Variants in GRM1 observed in about 807,000 individuals in gnomAD.
GRM1 encodes the protein metabotropic glutamate receptor 1.
GRM1 carries 33 observed loss-of-function variants against 90.9 expected under a neutral mutation model. That is an observed-to-expected ratio of 0.36 (90% CI 0.28 to 0.49). The LOEUF (loss-of-function observed/expected upper bound fraction) is 0.49. GRM1 is among the 20% of genes least tolerant of loss of function. The pLI is 0.99. For synonymous variants in GRM1, 700 were observed against 613.2 expected, an observed-to-expected ratio of 1.14 and a Z score of -2.09; for missense variants, 1,190 against 1,534.3, an observed-to-expected ratio of 0.78 and a Z score of 3.75.
At chr6:146,033,976 A>G (rs754494506) in intron 1 of GRM1, among the ~76,000 whole-genome samples, 4 of 152,046 alleles carry the variant, frequency 2.6e-5, no homozygotes, top group Non-Finnish European at 5.9e-5. Flanking sequence ...CTTCAAAGGA[A>G]ATTATCTTAA....
intron 1 of GRM1, among the ~76,000 whole-genome samples, chr6:146,031,174 T>C (rs1030271611): frequency 1.3e-5 from 2 of 152,216 alleles, no homozygotes; most frequent in African/African-American, 2.4e-5. Context: ...CCTTAGGTTA[T>C]ATACATTTTT....
chr6:146,299,283 A>G (rs1783289312), intron 2 of GRM1, among the ~76,000 whole-genome samples: 1 of 152,076 alleles, frequency 6.6e-6, no homozygotes, highest in Admixed American at 6.6e-5. Flanking sequence ...CTTTAATATC[A>G]CTTTCTCCTT....
At chr6:146,056,735 C>T (rs1225076155) in intron 1 of GRM1, among the ~76,000 whole-genome samples, 4 of 152,102 alleles carry the variant, frequency 2.6e-5, no homozygotes, top group African/African-American at 9.7e-5. Context: ...TTAACATTTT[C>T]GTTTTCACTG....
chr6:146,375,805 G>T (rs1337225710), intron 5 of GRM1, among the ~76,000 whole-genome samples: 1 of 151,820 alleles, frequency 6.6e-6, no homozygotes, highest in Non-Finnish European at 1.5e-5. Flanking sequence ...GTTTTTTGTA[G>T]GCAGCAGCTT....
Position 146,228,081 on chromosome 6 carries a change from A to G in GRM1, c.950+68484A>G, listed in dbSNP as rs577555686. 4.9e-4 allele frequency among the ~76,000 whole-genome samples: 75 copies of G among 152,280 alleles called. No homozygotes were observed. The South Asian group carries it at 0.014, about 29-fold the overall frequency. On this transcript the variant is annotated intron_variant, in intron 2 of 7. Transcript: ENST00000282753. ...AAAATGTTAAGGCCTCATATATACT[A>G]CAAAGCATTTATCAACTGTTGAGTA...
At chr6:146,166,125 T>G (rs1230753727) in intron 2 of GRM1, among the ~76,000 whole-genome samples, 1 of 152,132 alleles carries the variant, frequency 6.6e-6, no homozygotes, top group African/African-American at 2.4e-5. Flanking sequence ...AATATGGAAT[T>G]TATCTTAACA....
intron 2 of GRM1, among the ~76,000 whole-genome samples, chr6:146,297,287 A>G (rs1328717943): frequency 6.6e-6 from 1 of 151,530 alleles, no homozygotes; most frequent in Non-Finnish European, 1.5e-5. Context: ...CAGCCTCCCC[A>G]GTAGATGGGA....
At chr6:146,287,193 T>G (rs1782797259) in intron 2 of GRM1, among the ~76,000 whole-genome samples, 1 of 152,136 alleles carries the variant, frequency 6.6e-6, no homozygotes, top group Non-Finnish European at 1.5e-5. Flanking sequence ...CTGTAATAAG[T>G]AGGGTTTAGA....
In GRM1 at chr6:146,111,826, G is replaced by T. The variant is rs895880018; in HGVS notation, c.701-47522G>T. Among the ~76,000 whole-genome samples, 4 of 152,312 alleles carry T rather than the reference G, an allele frequency of 2.6e-5. No individual in the cohort carries two copies. In the South Asian group the frequency reaches 8.3e-4, roughly 32 times the overall value. ...TAACAAGGCTCTCTGGCTGTTGGGG[G>T]TGTTGAATGGATTAACACAGAAAAG... On this transcript the variant is annotated intron_variant, in intron 1 of 7. Transcript: ENST00000282753.
At chr6:146,205,169 T>C (rs1344714356) in intron 2 of GRM1, among the ~76,000 whole-genome samples, 6 of 152,154 alleles carry the variant, frequency 3.9e-5, no homozygotes, top group Non-Finnish European at 8.8e-5. Context: ...GAGTAAAAAA[T>C]ATCTATAATA....
intron 2 of GRM1, among the ~76,000 whole-genome samples, chr6:146,196,974 G>A (rs111351425): frequency 0.02 from 3,047 of 151,920 alleles, 49 homozygotes; most frequent in Non-Finnish European, 0.033. Context: ...GAAGATTGCA[G>A]TTGGGTTGGG....
intron 2 of GRM1, among the ~76,000 whole-genome samples, chr6:146,230,158 T>C (rs1182042085): frequency 6.6e-6 from 1 of 152,210 alleles, no homozygotes; most frequent in Non-Finnish European, 1.5e-5. Flanking sequence ...GCATACATTG[T>C]TTTCTACTAA....
chr6:146,112,435 A>G (rs1054311542), intron 1 of GRM1, among the ~76,000 whole-genome samples: 1 of 152,068 alleles, frequency 6.6e-6, no homozygotes, highest in Admixed American at 6.6e-5. Context: ...ATTGAGATAC[A>G]TACTGTTACT....
intron 1 of GRM1, among the ~76,000 whole-genome samples, chr6:146,136,415 C>T (rs1776622129): frequency 6.6e-6 from 1 of 152,132 alleles, no homozygotes; most frequent in South Asian, 2.1e-4. Context: ...TGAGGGTTCC[C>T]TTTCCTTCAC....
intron 1 of GRM1, among the ~76,000 whole-genome samples, chr6:146,059,826 C>T (rs930527862): frequency 8.5e-5 from 13 of 152,128 alleles, no homozygotes; most frequent in East Asian, 1.9e-4. Flanking sequence ...TCCTCAAGAA[C>T]CAACCCCTTC....
At chr6:146,297,449 C>A (rs762498720) in intron 2 of GRM1, among the ~76,000 whole-genome samples, 3 of 152,154 alleles carry the variant, frequency 2.0e-5, no homozygotes, top group Middle Eastern at 3.2e-3. Flanking sequence ...CATGAGCCAC[C>A]ACGCCCAGCC....
intron 5 of GRM1, among the ~76,000 whole-genome samples, chr6:146,364,703 C>CT (rs1357940708): frequency 1.3e-5 from 2 of 151,500 alleles, no homozygotes; most frequent in Non-Finnish European, 2.9e-5. Flanking sequence ...ATCCACCAAT[C>CT]TCATTCCAGA....
chr6:146,308,972 A>C (rs1307707770), intron 3 of GRM1, among the ~76,000 whole-genome samples: 1 of 152,150 alleles, frequency 6.6e-6, no homozygotes, highest in African/African-American at 2.4e-5. Context: ...GTTTTTGCTT[A>C]TTCACAATTT....
intron 2 of GRM1, among the ~76,000 whole-genome samples, chr6:146,223,027 A>G (rs1356651893): frequency 6.6e-6 from 1 of 151,968 alleles, no homozygotes; most frequent in African/African-American, 2.4e-5. Flanking sequence ...AGTAATGTAG[A>G]AAGCCCAGGA....
Sources: gnomAD v4.1 joint callset for allele counts (sites outside exome capture counted in the v4.1 genomes callset) on GRCh38, gnomAD v4.1.1 for gene constraint, MANE v1.5 for transcripts, NCBI Gene and HGNC (gene_info 2026-07-23, HGNC 2026-07-21) for gene names.